SMCHD1: variants seen among roughly 807,000 people sequenced by gnomAD.
SMCHD1 encodes structural maintenance of chromosomes flexible hinge domain containing 1.
In SMCHD1, 78 loss-of-function variants were observed where a neutral mutation model predicts 254.7. That is an observed-to-expected ratio of 0.31 (90% confidence interval 0.26 to 0.37). SMCHD1 has a LOEUF of 0.37. SMCHD1 is among the 10% of genes least tolerant of loss of function. SMCHD1 has a pLI of 1.00. For synonymous variants in SMCHD1, 766 were observed against 794.9 expected (o/e 0.96, Z 0.61); for missense variants, 1,840 against 2,408.1 (o/e 0.76, Z 4.94).
chr18:2,697,069 A>T lies in SMCHD1; in HGVS notation c.1078A>T (p.Asn360Tyr). ...CTACTATATTCATGGCCCAAAAGGA[A>T]ATGAAATACGAACATCAAAAGAAGT... is the stretch of plus-strand genomic sequence containing the variant. ...YHYYIHGPKGNEIRTSKEVEP... is the reference protein window; with the variant it reads ...YHYYIHGPKGYEIRTSKEVEP... The change falls in exon 9 of 48, where the codon AAT becomes TAT. Residue 360 changes from asparagine to tyrosine, a missense_variant. Asn to Tyr is a moderately radical substitution (Grantham distance 143). Around this residue, in one of 9 missense-constraint regions of SMCHD1, gnomAD observed 498 missense variants for 743.5 expected, o/e 0.67. Transcript: ENST00000320876. 6.6e-7 allele frequency: 1 copy of T among 1,507,432 alleles called. No individual in the cohort carries two copies. Among genetic ancestry groups the T allele is most frequent in the Non-Finnish European group, 8.9e-7 (1 of 1,120,212 alleles). 93.4% of individuals were successfully genotyped at this position (1,507,432 alleles called of 1,614,324 possible). A position where few individuals can be genotyped will look rare whatever the true frequency, so the allele number is the denominator to read the frequency against.
intron 37 of SMCHD1, among the ~76,000 whole-genome samples, chr18:2,767,584 CTTTTTTTTT>C (rs397858216): frequency 1.1e-5 from 1 of 89,250 alleles, no homozygotes; most frequent in African/African-American, 4.6e-5. Flanking sequence ...AACCTATTTC[CTTTTTTTTT>C]TTTTTTTTTT....
chr18:2,795,247 CG>C (rs1568406570), intron 45 of SMCHD1, among the ~76,000 whole-genome samples: 2 of 152,018 alleles, frequency 1.3e-5, no homozygotes, highest in Admixed American at 6.6e-5. Flanking sequence ...TTATTAGAGA[CG>C]GGGTTTCACC....
chr18:2,797,905 A>T (rs184897274), intron 47 of SMCHD1, among the ~76,000 whole-genome samples: 1 of 152,334 alleles, frequency 6.6e-6, no homozygotes, highest in African/African-American at 2.4e-5. Context: ...CAACAAGAGC[A>T]TAACTCCGTC....
At chr18:2,784,947 TA>T (rs35051153) in intron 45 of SMCHD1, 143,949 of 321,024 alleles carry the variant, frequency 0.45, 17,346 homozygotes, top group South Asian at 0.49. Context: ...CTCCATCTCT[TA>T]AAAAAAAAAA....
At chr18:2,774,387 T>C (rs1325759464) in intron 41 of SMCHD1, among the ~76,000 whole-genome samples, 1 of 152,106 alleles carries the variant, frequency 6.6e-6, no homozygotes, top group African/African-American at 2.4e-5. Flanking sequence ...AATTAGAATA[T>C]AAGGGTAGAT....
chr18:2,737,005 T>G (rs891593444), intron 25 of SMCHD1, among the ~76,000 whole-genome samples: 1 of 152,148 alleles, frequency 6.6e-6, no homozygotes, highest in Non-Finnish European at 1.5e-5. Context: ...GGTAGTAGAT[T>G]GGATAAAGAA....
chr18:2,707,430 G>A (rs1204284849), intron 15 of SMCHD1, 133 bp from the exon 16 acceptor site: 7 of 475,632 alleles, frequency 1.5e-5, no homozygotes, highest in Middle Eastern at 4.7e-4. Flanking sequence ...ATGATTAATC[G>A]TAAAGAATTC....
chr18:2,668,513 T>A (rs2073501426), intron 3 of SMCHD1, among the ~76,000 whole-genome samples: 1 of 152,226 alleles, frequency 6.6e-6, no homozygotes, highest in South Asian at 2.1e-4. Context: ...GAGAGTGACT[T>A]CAGAGCTTGA....
chr18:2,800,949 A>G (rs1041132564), intron 47 of SMCHD1: 28 of 152,184 alleles, frequency 1.8e-4, no homozygotes, highest in African/African-American at 6.8e-4. Context: ...TATAATTACT[A>G]TGTAGCAGAA....
In SMCHD1 at chr18:2,728,561, A is replaced by G. The variant is rs9961682; in HGVS notation, c.2878A>G (p.Ile960Val). Reference protein sequence around the residue: ...QVEVLDESDNITAQPKLIVHC... With the variant: ...QVEVLDESDNVTAQPKLIVHC... ...GGAAGTTTTAGATGAATCAGACAACATAACAGCACAACCAAAATTGATTGT... is the reference window on the plus strand; with the variant it reads ...GGAAGTTTTAGATGAATCAGACAACGTAACAGCACAACCAAAATTGATTGT... The change falls in exon 23 of 48, where the codon ATA becomes GTA. Residue 960 changes from isoleucine (I) to valine (V), a missense_variant. Transcript: ENST00000320876. The G allele has an allele frequency of 5.9e-3, 9,465 of 1,613,044 alleles. 475 individuals are homozygous for G. In the African/African-American group the frequency reaches 0.11, roughly 19 times the overall value.
At chr18:2,708,226 CTAA>C (rs1349909335) in intron 17 of SMCHD1, among the ~76,000 whole-genome samples, 1 of 137,272 alleles carries the variant, frequency 7.3e-6, no homozygotes, top group Non-Finnish European at 1.6e-5. Flanking sequence ...TATTACAGTT[CTAA>C]TAATTACAGT....
chr18:2,695,057 T>TTTG (rs33913079), intron 8 of SMCHD1, among the ~76,000 whole-genome samples: 147,139 of 152,066 alleles, frequency 0.97, 71,251 homozygotes, highest in East Asian at 1. Context: ...TATATTTATT[T>TTTG]TTGTTGTTAA....
chr18:2,723,238 C>T (rs797002383), intron 20 of SMCHD1, among the ~76,000 whole-genome samples: 1 of 151,996 alleles, frequency 6.6e-6, no homozygotes, highest in African/African-American at 2.4e-5. Flanking sequence ...AATGTAATAC[C>T]GTTTTCACTG....
At chr18:2,724,183 C>T (rs1433652133) in intron 20 of SMCHD1, among the ~76,000 whole-genome samples, 1 of 149,714 alleles carries the variant, frequency 6.7e-6, no homozygotes, top group Non-Finnish European at 1.5e-5. Context: ...ACAGTTTATT[C>T]TGAAAATACC....
chr18:2,659,581 A>G (rs1256425639), intron 1 of SMCHD1, among the ~76,000 whole-genome samples: 1 of 152,192 alleles, frequency 6.6e-6, no homozygotes, highest in African/African-American at 2.4e-5. Context: ...TCATTTGGTT[A>G]GTTCTAAAAT....
At chr18:2,795,899 G>A (rs769547766) in intron 45 of SMCHD1, 50 bp from the exon 46 acceptor site, 9 of 1,491,946 alleles carry the variant, frequency 6.0e-6, no homozygotes, top group South Asian at 2.6e-5. Flanking sequence ...TAAAACATGA[G>A]TTTGGTTTAA....
intron 1 of SMCHD1, among the ~76,000 whole-genome samples, chr18:2,662,022 G>A (rs924163063): frequency 2.1e-5 from 3 of 143,974 alleles, no homozygotes; most frequent in Non-Finnish European, 3.0e-5. Context: ...AGCCGGGCGC[G>A]GTGGCAGGCG....
intron 13 of SMCHD1, among the ~76,000 whole-genome samples, chr18:2,705,082 G>A (rs948337077): frequency 6.9e-6 from 1 of 145,304 alleles, no homozygotes; most frequent in East Asian, 1.9e-4. Context: ...AGAGATGTGC[G>A]TAGGTTAAGT....
intron 39 of SMCHD1, among the ~76,000 whole-genome samples, chr18:2,771,103 T>G (rs1242280509): frequency 6.6e-6 from 1 of 152,228 alleles, no homozygotes; most frequent in Non-Finnish European, 1.5e-5. Context: ...GTACTCACTT[T>G]TGTGTATGCC....
Sources: allele counts gnomAD v4.1 joint callset (sites outside exome capture counted in the v4.1 genomes callset), GRCh38; gene constraint gnomAD v4.1.1; regional missense constraint gnomAD v4.1.1; transcripts MANE v1.5; gene names NCBI Gene and HGNC (gene_info 2026-07-23, HGNC 2026-07-21).